SLC5A9: variants seen among roughly 807,000 people sequenced by gnomAD.
SLC5A9 encodes the protein sodium/glucose cotransporter 4.
Under a neutral mutation model 70.9 loss-of-function variants are expected in SLC5A9, and 59 were observed. That is an observed-to-expected ratio of 0.83 (90% CI 0.68 to 1.03). The LOEUF (loss-of-function observed/expected upper bound fraction) is 1.03, where lower values mean the gene tolerates loss of function less well. SLC5A9 is among the 50% of genes least tolerant of loss of function. The probability of loss-of-function intolerance (pLI) is 0.00; values close to 1 mark genes in which losing one functional copy is unlikely to be tolerated. For missense variants in SLC5A9, 832 were observed against 881.1 expected (o/e 0.94, Z 0.71); for synonymous variants, 340 against 346.5 (o/e 0.98, Z 0.21).
chr1:48,224,357 A>C (rs1198167839), intron 1 of SLC5A9, among the ~76,000 whole-genome samples: 1 of 152,224 alleles, frequency 6.6e-6, no homozygotes, highest in African/African-American at 2.4e-5. Flanking sequence ...AGCTCAGAGA[A>C]AGGGTGAGCA....
At position 48,237,779 on chromosome 1, in the gene SLC5A9, A is replaced by C; in HGVS notation, c.1393A>C (p.Ser465Arg). The C allele has an allele frequency of 6.2e-7, 1 of 1,614,134 alleles. No individual in the cohort carries two copies. Residue 465 changes from serine (S) to arginine (R), a missense_variant, in exon 11 of 14, where the codon AGT becomes CGT. Transcript: ENST00000438567. Reference sequence around the variant, plus strand: ...CTTCGACTACATCCAGGCTGTCACCAGTTACCTGGCCCCACCCATCACCGC... The same window carrying C: ...CTTCGACTACATCCAGGCTGTCACCCGTTACCTGGCCCCACCCATCACCGC... ...QLFDYIQAVT[S>R]YLAPPITALF... is the part of the protein sequence containing the mutation.
chr1:48,243,155 T>G (rs1297976809), intron 13 of SLC5A9, among the ~76,000 whole-genome samples: 1 of 152,042 alleles, frequency 6.6e-6, no homozygotes, highest in African/African-American at 2.4e-5. Context: ...AGAAACCCCT[T>G]ACCCATGTCC....
At chr1:48,234,230 G>A (rs949373514) in intron 9 of SLC5A9, among the ~76,000 whole-genome samples, 2 of 152,220 alleles carry the variant, frequency 1.3e-5, no homozygotes, top group African/African-American at 4.8e-5. Flanking sequence ...GCGTGCAAAG[G>A]CCCAGGGTGA....
intron 9 of SLC5A9, 139 bp downstream of exon 9, chr1:48,233,901 A>C: frequency 1.5e-6 from 1 of 663,838 alleles, no homozygotes; most frequent in Non-Finnish European, 2.8e-6. Context: ...CCCAACACAT[A>C]CACACACGTT....
At chr1:48,240,261 C>G (rs1015457971) in intron 12 of SLC5A9, 9 of 152,234 alleles carry the variant, frequency 5.9e-5, no homozygotes, top group African/African-American at 2.2e-4. Flanking sequence ...TCCTCTTTGT[C>G]TTTACACGGT....
Position 48,233,745 on chromosome 1 carries a change from T to C in SLC5A9, c.1124T>C (p.Met375Thr). 2 of 1,613,660 alleles carry C rather than the reference T, an allele frequency of 1.2e-6. No individual in the cohort carries two copies. The highest frequency in any genetic ancestry group is 1.3e-5 in the African/African-American group (1 of 75,034). ...AACATTGCCTACCCTAAGTTGGTCA[T>C]GGCCCTCATGCCTGTTGGTGAGTCT... ...CSNIAYPKLV[M>T]ALMPVGLRGL... Residue 375 changes from methionine to threonine, a missense_variant, in exon 9 of 14, where the codon ATG becomes ACG. Physicochemically the swap from Met to Thr is moderately conservative, Grantham distance 81. Transcript: ENST00000438567.
In SLC5A9 at chr1:48,242,583, G is replaced by A; in HGVS notation, c.1804G>A (p.Glu602Lys). ...GTGCCCTGCAGGAGGTGGAGCGGCAGAGAACTCGAGCCTGGGCCAGGAGCA... is the reference window on the plus strand; with the variant it reads ...GTGCCCTGCAGGAGGTGGAGCGGCAAAGAACTCGAGCCTGGGCCAGGAGCA... ...GECPAGGGAAENSSLGQEQPE... is the reference protein window; with the variant it reads ...GECPAGGGAAKNSSLGQEQPE... Residue 602 changes from glutamate (E) to lysine (K), a missense_variant, in exon 13 of 14, where the codon GAG becomes AAG. Transcript: ENST00000438567. The A allele has an allele frequency of 2.5e-6, 4 of 1,612,808 alleles. No individual in the cohort carries two copies. Among genetic ancestry groups the A allele is most frequent in the South Asian group, 2.2e-5 (2 of 90,998 alleles).
chr1:48,241,833 G>A (rs1034193115), intron 12 of SLC5A9: 51 of 431,136 alleles, frequency 1.2e-4, no homozygotes, highest in Middle Eastern at 3.4e-4. Flanking sequence ...TACATGTCTG[G>A]TCACCCAAGG....
chr1:48,224,828 A>C, intron 2 of SLC5A9, 33 bp downstream of exon 2: 1 of 1,600,960 alleles, frequency 6.2e-7, no homozygotes, highest in Non-Finnish European at 8.6e-7. Context: ...CCCCTAGTGC[A>C]GAGGCTCCCA....
intron 9 of SLC5A9, among the ~76,000 whole-genome samples, chr1:48,234,361 G>A (rs1644298056): frequency 6.6e-6 from 1 of 152,148 alleles, no homozygotes; most frequent in Non-Finnish European, 1.5e-5. Context: ...CAGAGCGCTG[G>A]GACACTGCGG....
intron 1 of SLC5A9, among the ~76,000 whole-genome samples, chr1:48,224,055 T>C (rs910767787): frequency 1.3e-5 from 2 of 152,244 alleles, no homozygotes; most frequent in African/African-American, 4.8e-5. Context: ...AACTGTTGGC[T>C]TTTGCATCTG....
At chr1:48,222,977 C>A in intron 1 of SLC5A9, 79 bp downstream of exon 1, 1 of 1,446,688 alleles carries the variant, frequency 6.9e-7, no homozygotes, top group Non-Finnish European at 9.5e-7. Context: ...GGAGCTGGGG[C>A]AGGGCTAGGC....
chr1:48,229,869 G>A (rs374991124), intron 4 of SLC5A9, among the ~76,000 whole-genome samples: 1 of 152,182 alleles, frequency 6.6e-6, no homozygotes, highest in Non-Finnish European at 1.5e-5. Context: ...GCTAGCTCTA[G>A]AACTGAAGCT....
At position 48,233,550 on chromosome 1, in the gene SLC5A9, C is replaced by T. The variant is rs41287922; in HGVS notation, c.1034-105C>T. On this transcript the variant is annotated intron_variant, in intron 8 of 13. Coordinates refer to ENST00000438567, the MANE Select transcript of SLC5A9 (RefSeq NM_001011547.3). ...CAACCTTGTAGACATGGGTCCCTGT[C>T]AGAGTCTCCAGTGAACATTATCCTG... 3.3e-5 allele frequency: 27 copies of T among 830,626 alleles called. No individual in the cohort carries two copies. The South Asian group carries it at 3.6e-4, about 11-fold the overall frequency. 51.5% of individuals were successfully genotyped at this position (830,626 alleles called of 1,614,324 possible).
At chr1:48,229,619 C>T (rs1644219535) in intron 4 of SLC5A9, 160 bp downstream of exon 4, 2 of 1,128,868 alleles carry the variant, frequency 1.8e-6, no homozygotes, top group Non-Finnish European at 2.4e-6. Flanking sequence ...TGCCTCAGCA[C>T]TGGGGTACTC....
chr1:48,245,936 G>T (rs1644455604), intron 13 of SLC5A9, among the ~76,000 whole-genome samples: 1 of 151,700 alleles, frequency 6.6e-6, no homozygotes, highest in Non-Finnish European at 1.5e-5. Flanking sequence ...ACTCCAGCCT[G>T]GGCAACAGAG....
chr1:48,226,548 GA>G (rs1227002981), intron 2 of SLC5A9, among the ~76,000 whole-genome samples: 1 of 152,232 alleles, frequency 6.6e-6, no homozygotes, highest in African/African-American at 2.4e-5. Context: ...GCCAGAGTAA[GA>G]ACCAGCTCTG....
At chr1:48,238,128 G>A (rs1418375511) in intron 11 of SLC5A9, among the ~76,000 whole-genome samples, 2 of 152,188 alleles carry the variant, frequency 1.3e-5, no homozygotes, top group African/African-American at 2.4e-5. Context: ...AAGTATGCTG[G>A]CTGGTGGGAG....
chr1:48,233,644 T>C lies in SLC5A9; in HGVS notation c.1034-11T>C. The stretch of plus-strand genomic sequence containing the variant: ...GATCACGGACTCTAACTGCCATTAC[T>C]TCTTCCACAGACGAGGTGGGCTGCG... On this transcript the variant is annotated splice_polypyrimidine_tract_variant and intron_variant, in intron 8 of 13. Transcript: ENST00000438567. 1 of 1,611,962 alleles carries C rather than the reference T, an allele frequency of 6.2e-7. No homozygotes were observed. The highest frequency in any genetic ancestry group is 8.5e-7 in the Non-Finnish European group (1 of 1,178,262).
Sources: gnomAD v4.1 joint callset for allele counts (sites outside exome capture counted in the v4.1 genomes callset) on GRCh38, gnomAD v4.1.1 for gene constraint, MANE v1.5 for transcripts, NCBI Gene and HGNC (gene_info 2026-07-23, HGNC 2026-07-21) for gene names.